SKOR1: variants seen among roughly 807,000 people sequenced by gnomAD.
SKOR1 encodes SKI family transcriptional corepressor 1, also known as LBX1 corepressor 1.
A neutral mutation model predicts 72.4 loss-of-function variants in SKOR1; 38 were observed. That is an observed-to-expected ratio of 0.52 (90% CI 0.40 to 0.69). SKOR1 has a LOEUF of 0.69. SKOR1 is among the 30% of genes least tolerant of loss of function. The pLI is 0.00. For missense variants in SKOR1, 1,320 were observed against 1,343.2 expected, an observed-to-expected ratio of 0.98 and a Z score of 0.27; for synonymous variants, 642 against 599.4, an observed-to-expected ratio of 1.07 and a Z score of -1.04.
Position 67,832,194 on chromosome 15 carries a change from T to C in SKOR1, c.2588-80T>C. On this transcript the variant is annotated intron_variant, in intron 5 of 8. Coordinates refer to ENST00000380035, the MANE Select transcript of SKOR1 (RefSeq NM_001365915.1). The surrounding 1 kb of genome is among the most constrained non-coding windows in gnomAD (Gnocchi z 4.5). ...ATCCTTCTCAACTCTCCTTTCAGGG[T>C]TGTTGGCCAAGGCAGAACCTGAGCT... 7.6e-7 allele frequency: 1 copy of C among 1,317,620 alleles called. No individual in the cohort carries two copies. The highest frequency in any genetic ancestry group is 1.1e-6 in the Non-Finnish European group (1 of 916,562). The allele number at this position is 1,317,620 out of a possible 1,614,324, so 81.6% of individuals were successfully genotyped here. A position where few individuals can be genotyped will look rare whatever the true frequency, so the allele number is the denominator to read the frequency against.
rs2090954140 is a variant in SKOR1, at chr15:67,825,838, C to G, written c.108-98C>G. The G allele has an allele frequency of 6.6e-7, 1 of 1,516,082 alleles. No individual in the cohort carries two copies. The highest frequency in any genetic ancestry group is 8.8e-7 in the Non-Finnish European group (1 of 1,139,196). 93.9% of individuals were successfully genotyped at this position (1,516,082 alleles called of 1,614,324 possible). A position where few individuals can be genotyped will look rare whatever the true frequency, so the allele number is the denominator to read the frequency against. Reference sequence around the variant, plus strand: ...TTGGACTCCCCACTGCCAAGTATCCCCCGCGCGCCCAACTCGGAGCGCCCT... The same window carrying G: ...TTGGACTCCCCACTGCCAAGTATCCGCCGCGCGCCCAACTCGGAGCGCCCT... On this transcript the variant is annotated intron_variant, in intron 1 of 8. Transcript: ENST00000380035. This position sits in a 1 kb window ranked among gnomAD's most constrained non-coding sequence, Gnocchi z 5.6.
rs1023785845 is a variant in SKOR1 at position 67,830,807 on chromosome 15, C to T, written c.2516-11C>T. The T allele has an allele frequency of 6.2e-7, 1 of 1,613,960 alleles. No individual in the cohort carries two copies. Among genetic ancestry groups the T allele is most frequent in the Non-Finnish European group, 8.5e-7 (1 of 1,180,004 alleles). ...AGGACAGAACCCCTCTTACCTGCCC[C>T]TGTATCCCAGGCGAAGATGGGCTTA... On this transcript the variant is annotated splice_polypyrimidine_tract_variant and intron_variant, in intron 4 of 8. Coordinates refer to ENST00000380035, the MANE Select transcript of SKOR1 (RefSeq NM_001365915.1).
In SKOR1 at chr15:67,828,389, T is replaced by A. The variant is rs565541191; in HGVS notation, c.2316+245T>A. Among the ~76,000 whole-genome samples, 10 of 152,260 alleles carry A rather than the reference T, an allele frequency of 6.6e-5. No homozygotes were observed. The East Asian group carries it at 1.5e-3, about 24-fold the overall frequency. On this transcript the variant is annotated intron_variant, in intron 2 of 8. Transcript: ENST00000380035. The stretch of plus-strand genomic sequence containing the variant: ...GGAGGACTGGGGAACTTGTGTGCTT[T>A]GTTTTTGTTGATGGGAATGGGGAGG...
chr15:67,831,923 C>A (rs559509852), intron 5 of SKOR1, among the ~76,000 whole-genome samples: 1,617 of 13,650 alleles, frequency 0.12, 16 homozygotes, highest in Non-Finnish European at 0.18. Flanking sequence ...AGGTCGGGGC[C>A]GGGGCGGGGG....
chr15:67,828,240 C>G, intron 2 of SKOR1, 96 bp downstream of exon 2: 2 of 1,357,396 alleles, frequency 1.5e-6, no homozygotes, highest in Non-Finnish European at 1.9e-6. Flanking sequence ...TTTTGTTCCG[C>G]GCAGGCGTGG....
In SKOR1 at chr15:67,833,286, G is replaced by GGGGTGCT. The variant is rs1388852225; in HGVS notation, c.2803+36_2803+42dup. On this transcript the variant is annotated intron_variant, in intron 8 of 8. Transcript: ENST00000380035. The surrounding 1 kb of genome is among the most constrained non-coding windows in gnomAD (Gnocchi z 6.0). ...CGGAAGCCGGGAAACAAAGATAGGA[G>GGGGTGCT]GGGTGCTGGGTGCCGGCCGTGCTGT... The GGGGTGCT allele has an allele frequency of 3.7e-6, 6 of 1,612,470 alleles. No individual in the cohort carries two copies. The highest frequency in any genetic ancestry group is 1.6e-4 in the Middle Eastern group (1 of 6,078).
Position 67,829,224 on chromosome 15 carries a change from G to T in SKOR1, c.2362G>T (p.Ala788Ser). ...RDEHVKSAAV[A>S]LGPAASYVCT... ...TGAGCACGTGAAGAGCGCGGCGGTG[G>T]CGCTGGGGCCCGCGGCCTCCTACGT... The change falls in exon 3 of 9, where the codon GCG becomes TCG. Residue 788 changes from alanine to serine, a missense_variant. Physicochemically the swap from Ala to Ser is moderately conservative, Grantham distance 99 (BLOSUM62 1). This residue lies in a region of SKOR1 where 1,099 missense variants were observed against 1,025.5 expected (regional missense o/e 1.07). Transcript: ENST00000380035. 2 of 1,575,396 alleles carry T rather than the reference G, an allele frequency of 1.3e-6. No homozygotes were observed. Among genetic ancestry groups the T allele is most frequent in the Non-Finnish European group, 1.7e-6 (2 of 1,168,226 alleles).
At position 67,825,583 on chromosome 15, in the gene SKOR1, G is replaced by A. The variant is rs1259541085; in HGVS notation, c.-20G>A. On this transcript the variant is annotated 5_prime_UTR_variant, in exon 1 of 9. Coordinates refer to ENST00000380035, the MANE Select transcript of SKOR1 (RefSeq NM_001365915.1). This position sits in a 1 kb window ranked among gnomAD's most constrained non-coding sequence, Gnocchi z 5.6. ...CCGAAGGCGCACGGATCTGGGCGCTGAAAAAGCCAGGATTTGGCAATGGCT... is the reference window on the plus strand; with the variant it reads ...CCGAAGGCGCACGGATCTGGGCGCTAAAAAAGCCAGGATTTGGCAATGGCT... 1 of 727,072 alleles carries A rather than the reference G, an allele frequency of 1.4e-6. No individual in the cohort carries two copies. The highest frequency in any genetic ancestry group is 2.6e-6 in the Non-Finnish European group (1 of 390,388). 45.0% of individuals were successfully genotyped at this position (727,072 alleles called of 1,614,324 possible). A position where few individuals can be genotyped will look rare whatever the true frequency, so the allele number is the denominator to read the frequency against.
intron 3 of SKOR1, 32 bp from the exon 4 acceptor site, chr15:67,830,159 C>A (rs368554557): frequency 3.1e-6 from 5 of 1,607,666 alleles, no homozygotes; most frequent in Admixed American, 1.7e-5. Flanking sequence ...GGTTTCTTTG[C>A]CTCTCTTGAA....
In SKOR1 at chr15:67,832,131, G is replaced by T. The variant is rs2091013133; in HGVS notation, c.2588-143G>T. On this transcript the variant is annotated intron_variant, in intron 5 of 8. Transcript: ENST00000380035. This position sits in a 1 kb window ranked among gnomAD's most constrained non-coding sequence, Gnocchi z 4.5. ...TCACCCAAATCCTTTGAATGCAGTT[G>T]GTAAAGCCAGAGAGCGGAGGGCCTC... 1 of 725,128 alleles carries T rather than the reference G, an allele frequency of 1.4e-6. No homozygotes were observed. Among genetic ancestry groups the T allele is most frequent in the Non-Finnish European group, 2.4e-6 (1 of 412,412 alleles). 44.9% of individuals were successfully genotyped at this position (725,128 alleles called of 1,614,324 possible). A position where few individuals can be genotyped will look rare whatever the true frequency, so the allele number is the denominator to read the frequency against.
At position 67,832,258 on chromosome 15, in the gene SKOR1, T is replaced by A. The variant is rs1307829455; in HGVS notation, c.2588-16T>A. ...CTTTACCTCCCACTTTACCTCCCAC[T>A]TTTCCCCTTTCACAGAGGAATTGCA... On this transcript the variant is annotated splice_polypyrimidine_tract_variant and intron_variant, in intron 5 of 8. Transcript: ENST00000380035. The surrounding 1 kb of genome is among the most constrained non-coding windows in gnomAD (Gnocchi z 4.5). 2 of 1,612,870 alleles carry A rather than the reference T, an allele frequency of 1.2e-6. No individual in the cohort carries two copies. Among genetic ancestry groups the A allele is most frequent in the East Asian group, 4.5e-5 (2 of 44,856 alleles).
intron 2 of SKOR1, among the ~76,000 whole-genome samples, chr15:67,828,687 T>C (rs2090985115): frequency 6.6e-6 from 1 of 152,040 alleles, no homozygotes; most frequent in South Asian, 2.1e-4. Flanking sequence ...TGGGAAGCTG[T>C]CTCGGGACCG....
At position 67,826,437 on chromosome 15, in the gene SKOR1, T is replaced by G; in HGVS notation, c.609T>G (p.Ser203=). ...GSFIPARYNS[S]RAKCIKCGYC... ...TCATCCCTGCGCGTTACAACAGCTC[T>G]CGTGCCAAGTGCATCAAGTGCGGCT... The change falls in exon 2 of 9, where the codon TCT becomes TCG. Residue 203 remains serine, a synonymous_variant. Coordinates refer to ENST00000380035, the MANE Select transcript of SKOR1 (RefSeq NM_001365915.1). 6.2e-7 allele frequency: 1 copy of G among 1,614,114 alleles called. No individual in the cohort carries two copies.
In SKOR1 at chr15:67,830,919, G is replaced by T. The variant is rs747354606; in HGVS notation, c.2587+30G>T. ...GGATAAATTTGTGAAAAAGGTGTAC[G>T]CTGTGCTTGAGAGTGATGGGTCATT... On this transcript the variant is annotated intron_variant, in intron 5 of 8. Coordinates refer to ENST00000380035, the MANE Select transcript of SKOR1 (RefSeq NM_001365915.1). 3.1e-6 allele frequency: 5 copies of T among 1,607,092 alleles called. No homozygotes were observed. In the Admixed American group the frequency reaches 8.3e-5, roughly 27 times the overall value.
At chr15:67,831,557 C>T (rs1170497909) in intron 5 of SKOR1, among the ~76,000 whole-genome samples, 1 of 152,138 alleles carries the variant, frequency 6.6e-6, no homozygotes, top group Non-Finnish European at 1.5e-5. Flanking sequence ...ACCTCATGGT[C>T]AGGGCAGTTG....
At chr15:67,828,917 G>C (rs1400927056) in intron 2 of SKOR1, among the ~76,000 whole-genome samples, 1 of 152,248 alleles carries the variant, frequency 6.6e-6, no homozygotes, top group African/African-American at 2.4e-5. Flanking sequence ...CGGGTGCAGA[G>C]GGTGGAGGAC....
At position 67,832,935 on chromosome 15, in the gene SKOR1, G is replaced by C. The variant is rs1808445300; in HGVS notation, c.2737+254G>C. 3.4e-6 allele frequency: 2 copies of C among 597,014 alleles called. No homozygotes were observed. The highest frequency in any genetic ancestry group is 3.7e-5 in the African/African-American group (2 of 53,794). 37.0% of individuals were successfully genotyped at this position (597,014 alleles called of 1,614,324 possible). A position where few individuals can be genotyped will look rare whatever the true frequency, so the allele number is the denominator to read the frequency against. On this transcript the variant is annotated intron_variant, in intron 7 of 8. Coordinates refer to ENST00000380035, the MANE Select transcript of SKOR1 (RefSeq NM_001365915.1). The surrounding 1 kb of genome is among the most constrained non-coding windows in gnomAD (Gnocchi z 4.5). Reference sequence around the variant, plus strand: ...TTCCATGGTTTCTAAATTAAAAATCGAGGCGTAAAATTACCTGGGAAGTAA... The same window carrying C: ...TTCCATGGTTTCTAAATTAAAAATCCAGGCGTAAAATTACCTGGGAAGTAA...
chr15:67,825,980 G>A lies in SKOR1; in HGVS notation c.152G>A (p.Arg51His). 6.6e-7 allele frequency: 1 copy of A among 1,526,614 alleles called. No individual in the cohort carries two copies. Among genetic ancestry groups the A allele is most frequent in the Non-Finnish European group, 8.8e-7 (1 of 1,137,582 alleles). The allele number at this position is 1,526,614 out of a possible 1,614,324, so 94.6% of individuals were successfully genotyped here. Residue 51 changes from arginine (R) to histidine (H), a missense_variant, in exon 2 of 9, where the codon CGC becomes CAC. By Grantham distance (29) the Arg-to-His change is conservative. Around this residue, in one of 3 missense-constraint regions of SKOR1, gnomAD observed 120 missense variants for 104.9 expected, o/e 1.14. Transcript: ENST00000380035. This position sits in a 1 kb window ranked among gnomAD's most constrained non-coding sequence, Gnocchi z 5.6. ...EALTTQLGPGREGSSSPNSKQ... is the reference protein window; with the variant it reads ...EALTTQLGPGHEGSSSPNSKQ... ...CTCACCACTCAGCTGGGGCCGGGGCGCGAGGGCAGTTCCTCGCCCAACTCC... is the reference window on the plus strand; with the variant it reads ...CTCACCACTCAGCTGGGGCCGGGGCACGAGGGCAGTTCCTCGCCCAACTCC...
intron 3 of SKOR1, 132 bp downstream of exon 3, chr15:67,829,401 A>C: frequency 1.2e-6 from 1 of 803,134 alleles, no homozygotes; most frequent in South Asian, 1.9e-5. Context: ...AAAAATAATG[A>C]AAACAAGGAA....
Sources: allele counts gnomAD v4.1 joint callset (sites outside exome capture counted in the v4.1 genomes callset), GRCh38; gene constraint gnomAD v4.1.1; regional missense constraint gnomAD v4.1.1; non-coding constraint Gnocchi (gnomAD v3.1); transcripts MANE v1.5; gene names NCBI Gene and HGNC (gene_info 2026-07-23, HGNC 2026-07-21).